Variants in KCNH1 observed in about 807,000 individuals in gnomAD.
The protein encoded by KCNH1 is voltage-gated delayed rectifier potassium channel KCNH1.
A neutral mutation model predicts 69.2 loss-of-function variants in KCNH1; 27 were observed. The ratio of observed to expected loss-of-function variants is 0.39; its 90% CI spans 0.29 to 0.54. KCNH1 has a LOEUF of 0.54. Ranked by LOEUF, KCNH1 falls within the 20% of genes least tolerant of loss-of-function variation. The probability of loss-of-function intolerance (pLI) is 0.68; values close to 1 mark genes in which losing one functional copy is unlikely to be tolerated. For missense variants in KCNH1, 798 were observed against 1,261.6 expected (o/e 0.63, Z 5.57); for synonymous variants, 456 against 487.7 (o/e 0.93, Z 0.86).
chr1:210,786,592 G>A (rs887660446), intron 9 of KCNH1, among the ~76,000 whole-genome samples: 2 of 152,056 alleles, frequency 1.3e-5, no homozygotes, highest in African/African-American at 4.8e-5. Flanking sequence ...GGTGTTCTCA[G>A]CCTCTCCCCT....
chr1:210,737,419 CAATT>C (rs1207224197), intron 10 of KCNH1, among the ~76,000 whole-genome samples: 7 of 152,188 alleles, frequency 4.6e-5, no homozygotes, highest in Admixed American at 2.6e-4. Context: ...GTCCTTCAAT[CAATT>C]AAGATTTTGA....
At chr1:211,074,088 T>A (rs995363021) in intron 5 of KCNH1, among the ~76,000 whole-genome samples, 1 of 128,252 alleles carries the variant, frequency 7.8e-6, no homozygotes, top group African/African-American at 2.8e-5. Flanking sequence ...TTTCATTCAT[T>A]CCACCAATTA....
intron 5 of KCNH1, among the ~76,000 whole-genome samples, chr1:211,022,297 C>T (rs1259988105): frequency 2.6e-5 from 4 of 152,150 alleles, no homozygotes; most frequent in African/African-American, 4.8e-5. Context: ...AATTAGACCC[C>T]TATCTCTTCT....
At chr1:211,076,436 C>A (rs1395278885) in intron 5 of KCNH1, among the ~76,000 whole-genome samples, 1 of 152,192 alleles carries the variant, frequency 6.6e-6, no homozygotes, top group Non-Finnish European at 1.5e-5. Context: ...TGCTGTTCTG[C>A]AGCCTCCATT....
At chr1:210,838,949 A>C (rs1337684603) in intron 7 of KCNH1, among the ~76,000 whole-genome samples, 3 of 152,250 alleles carry the variant, frequency 2.0e-5, no homozygotes, top group Non-Finnish European at 4.4e-5. Context: ...GAACGCTTTT[A>C]CATTGCTGGT....
intron 10 of KCNH1, among the ~76,000 whole-genome samples, chr1:210,725,018 C>T (rs1185425782): frequency 6.6e-6 from 1 of 152,190 alleles, no homozygotes; most frequent in Admixed American, 6.5e-5. Context: ...CCACCATGGA[C>T]ACTTTAGCTG....
At chr1:210,933,759 A>T (rs1457249905) in intron 6 of KCNH1, among the ~76,000 whole-genome samples, 9 of 152,140 alleles carry the variant, frequency 5.9e-5, no homozygotes, top group African/African-American at 1.9e-4. Context: ...ATAAACAGGA[A>T]CCATCACACT....
intron 1 of KCNH1, among the ~76,000 whole-genome samples, chr1:211,129,186 G>A (rs1691833716): frequency 6.6e-6 from 1 of 152,104 alleles, no homozygotes; most frequent in African/African-American, 2.4e-5. Context: ...GAAAAGTATG[G>A]TCCAAATATC....
chr1:210,765,214 T>G (rs1319383070), intron 10 of KCNH1, among the ~76,000 whole-genome samples: 10 of 142,092 alleles, frequency 7.0e-5, no homozygotes, highest in East Asian at 4.1e-4. Context: ...AAACTGGGGG[T>G]GGGGGTACAG....
chr1:210,710,684 G>C (rs1192462966), intron 10 of KCNH1, among the ~76,000 whole-genome samples: 1 of 152,108 alleles, frequency 6.6e-6, no homozygotes, highest in Non-Finnish European at 1.5e-5. Context: ...ATGCCACGTG[G>C]CTGGTAAGTG....
intron 5 of KCNH1, among the ~76,000 whole-genome samples, chr1:211,071,937 A>C (rs1024177978): frequency 3.5e-4 from 54 of 152,274 alleles, no homozygotes; most frequent in African/African-American, 1.1e-3. Flanking sequence ...GGAAAAAAAA[A>C]CCCACCAACC....
chr1:210,961,384 CT>C (rs1265663093), intron 6 of KCNH1, among the ~76,000 whole-genome samples: 1 of 151,946 alleles, frequency 6.6e-6, no homozygotes, highest in East Asian at 1.9e-4. Flanking sequence ...CTCAAGATTA[CT>C]AATTTTTTCT....
At chr1:210,879,606 C>A (rs1373164827) in intron 7 of KCNH1, among the ~76,000 whole-genome samples, 1 of 151,976 alleles carries the variant, frequency 6.6e-6, no homozygotes, top group Non-Finnish European at 1.5e-5. Flanking sequence ...GGGGAACCTC[C>A]TCAACCTGAT....
At chr1:210,941,555 A>G (rs1240663321) in intron 6 of KCNH1, among the ~76,000 whole-genome samples, 2 of 152,208 alleles carry the variant, frequency 1.3e-5, no homozygotes, top group East Asian at 3.9e-4. Flanking sequence ...AAGGATTCCC[A>G]ATACTCAGGG....
At chr1:210,773,040 CA>C in intron 10 of KCNH1, among the ~76,000 whole-genome samples, 1 of 152,214 alleles carries the variant, frequency 6.6e-6, no homozygotes, top group African/African-American at 2.4e-5. Context: ...CCAAATAACC[CA>C]AACTGCATAT....
At chr1:211,131,812 C>T (rs1691880663) in intron 1 of KCNH1, among the ~76,000 whole-genome samples, 1 of 151,368 alleles carries the variant, frequency 6.6e-6, no homozygotes, top group Non-Finnish European at 1.5e-5. Context: ...ATTCATCCAA[C>T]TCTCCCAAGA....
intron 6 of KCNH1, among the ~76,000 whole-genome samples, chr1:210,992,234 C>G (rs553431504): frequency 6.6e-6 from 1 of 152,286 alleles, no homozygotes; most frequent in South Asian, 2.1e-4. Flanking sequence ...TCTATAAGTA[C>G]AAGCACGTAT....
Position 211,043,844 on chromosome 1 carries a change from T to A in KCNH1, c.559-24588A>T, listed in dbSNP as rs979504530. Among the ~76,000 whole-genome samples, 3 of 152,166 alleles carry A rather than the reference T, an allele frequency of 2.0e-5. No homozygotes were observed. In the East Asian group the frequency reaches 5.8e-4, roughly 29 times the overall value. On this transcript the variant is annotated intron_variant, in intron 5 of 10. Coordinates refer to ENST00000271751, the MANE Select transcript of KCNH1 (RefSeq NM_172362.3). ...AACAGAATTAAAAACAAAAATCATA[T>A]GACCATCTCAACAGACACAGAAAAA...
intron 7 of KCNH1, among the ~76,000 whole-genome samples, chr1:210,832,227 T>C (rs1320485043): frequency 6.6e-6 from 1 of 152,194 alleles, no homozygotes. Flanking sequence ...GAACTCCTGG[T>C]AAGGTCTGAC....
Sources: allele counts gnomAD v4.1 joint callset (sites outside exome capture counted in the v4.1 genomes callset), GRCh38; gene constraint gnomAD v4.1.1; transcripts MANE v1.5; gene names NCBI Gene and HGNC (gene_info 2026-07-23, HGNC 2026-07-21).